The following CD80 variants were observed in gnomAD, a reference collection of about 807,000 sequenced individuals.
CD80 encodes the protein CD80 molecule.
Under a neutral mutation model 27.1 loss-of-function variants are expected in CD80, and 13 were observed. The observed-to-expected ratio is 0.48, with a 90% CI of 0.31 to 0.76. CD80 has a LOEUF of 0.76. Ranked by LOEUF, CD80 falls within the 30% of genes least tolerant of loss-of-function variation. The pLI is 0.04. For missense variants in CD80, 277 were observed against 347.9 expected, an observed-to-expected ratio of 0.80 and a Z score of 1.62; for synonymous variants, 125 against 125.5, an observed-to-expected ratio of 1.00 and a Z score of 0.03.
chr3:119,537,026 G>A (rs1485534350), intron 4 of CD80, 111 bp downstream of exon 4: 2 of 966,384 alleles, frequency 2.1e-6, no homozygotes, highest in Non-Finnish European at 3.2e-6. Flanking sequence ...GACAATGACA[G>A]AATTGCCTAA....
intron 2 of CD80, among the ~76,000 whole-genome samples, chr3:119,551,469 T>C (rs980407813): frequency 6.6e-6 from 1 of 152,150 alleles, no homozygotes; most frequent in South Asian, 2.1e-4. Context: ...GGCTTCCTTA[T>C]AAAGGATGGT....
chr3:119,536,988 G>T, intron 4 of CD80, 149 bp downstream of exon 4: 1 of 780,858 alleles, frequency 1.3e-6, no homozygotes. Context: ...GTACCATCTA[G>T]GTTTATGTAA....
At chr3:119,537,848 C>T (rs1231262533) in intron 3 of CD80, among the ~76,000 whole-genome samples, 1 of 152,150 alleles carries the variant, frequency 6.6e-6, no homozygotes, top group Non-Finnish European at 1.5e-5. Context: ...ATATAATTTG[C>T]AACTTCCCAT....
intron 4 of CD80, among the ~76,000 whole-genome samples, chr3:119,530,856 TAAAAG>T (rs1175620836): frequency 1.3e-5 from 2 of 152,236 alleles, no homozygotes; most frequent in Non-Finnish European, 2.9e-5. Context: ...ATTTAAAACA[TAAAAG>T]AAATGTTCCC....
intron 4 of CD80, among the ~76,000 whole-genome samples, chr3:119,533,765 C>G (rs925002213): frequency 6.6e-6 from 1 of 152,126 alleles, no homozygotes; most frequent in Admixed American, 6.5e-5. Context: ...GTAAGTTGCC[C>G]AGTCTCGGGT....
chr3:119,539,556 C>A (rs2082156516), intron 3 of CD80, among the ~76,000 whole-genome samples: 1 of 152,002 alleles, frequency 6.6e-6, no homozygotes, highest in African/African-American at 2.4e-5. Context: ...GAAGGCCTTC[C>A]TAGCATTCCT....
chr3:119,529,984 C>A, intron 4 of CD80, 47 bp from the exon 5 acceptor site: 1 of 1,320,042 alleles, frequency 7.6e-7, no homozygotes, highest in Non-Finnish European at 1.1e-6. Flanking sequence ...TTTCCTACTG[C>A]CTGATACTCA....
chr3:119,551,686 A>G (rs1433360999), intron 2 of CD80, among the ~76,000 whole-genome samples: 1 of 152,230 alleles, frequency 6.6e-6, no homozygotes, highest in Non-Finnish European at 1.5e-5. Context: ...CCAGACCGAG[A>G]TAACTATCTT....
intron 3 of CD80, 81 bp downstream of exon 3, chr3:119,544,469 T>C: frequency 7.9e-7 from 1 of 1,259,038 alleles, no homozygotes; most frequent in Non-Finnish European, 1.1e-6. Flanking sequence ...TGGTAAAATT[T>C]TCACCTAAAT....
intron 3 of CD80, 37 bp from the exon 4 acceptor site, chr3:119,537,455 T>A: frequency 7.2e-7 from 1 of 1,380,884 alleles, no homozygotes; most frequent in Non-Finnish European, 1.0e-6. Flanking sequence ...TACGTATAGT[T>A]ACAAACCTAT....
chr3:119,551,836 T>C (rs866481996), intron 2 of CD80, among the ~76,000 whole-genome samples: 5 of 152,220 alleles, frequency 3.3e-5, no homozygotes, highest in Non-Finnish European at 7.3e-5. Context: ...CACACCCCCA[T>C]AGGACCAGCA....
chr3:119,525,087 G>A lies in CD80; in HGVS notation c.*701C>T, dbSNP rs1599796. Reference sequence around the variant, plus strand: ...CTGCTTTGACGTACCTAAATCATTCGTCTTACATGTCAGAGGAAATTAGTT... The same window carrying A: ...CTGCTTTGACGTACCTAAATCATTCATCTTACATGTCAGAGGAAATTAGTT... On this transcript the variant is annotated 3_prime_UTR_variant, in exon 7 of 7. Coordinates refer to ENST00000264246, the MANE Select transcript of CD80 (RefSeq NM_005191.4). 23,449 of 152,048 alleles carry A rather than the reference G, an allele frequency of 0.15. 2,344 individuals are homozygous for A. Among genetic ancestry groups the A allele is most frequent in the East Asian group, 0.28 (1,432 of 5,172 alleles). The allele number at this position is 152,048 out of a possible 1,614,324, so 9.4% of individuals were successfully genotyped here.
chr3:119,552,406 G>A (rs531878249), intron 2 of CD80, among the ~76,000 whole-genome samples: 50 of 151,870 alleles, frequency 3.3e-4, no homozygotes, highest in African/African-American at 1.2e-3. Context: ...CCAGCTACTC[G>A]GGAGGCTGAG....
At chr3:119,530,060 G>A (rs2082101523) in intron 4 of CD80, 123 bp from the exon 5 acceptor site, 2 of 628,094 alleles carry the variant, frequency 3.2e-6, no homozygotes, top group African/African-American at 1.9e-5. Context: ...CCAGTATGCA[G>A]CTGCTAGCAT....
intron 3 of CD80, among the ~76,000 whole-genome samples, chr3:119,539,147 T>C (rs2082154703): frequency 6.6e-6 from 1 of 152,232 alleles, no homozygotes; most frequent in Non-Finnish European, 1.5e-5. Flanking sequence ...TTTATTTGAA[T>C]TCATTTGAAT....
At chr3:119,546,280 G>A (rs941042756) in intron 2 of CD80, among the ~76,000 whole-genome samples, 2 of 152,186 alleles carry the variant, frequency 1.3e-5, no homozygotes, top group African/African-American at 4.8e-5. Flanking sequence ...AGGAGGGCAA[G>A]GTGCTGTTGC....
In CD80 at chr3:119,557,904, A is replaced by G; in HGVS notation, c.-176T>C. On this transcript the variant is annotated 5_prime_UTR_variant, in exon 2 of 7. Coordinates refer to ENST00000264246, the MANE Select transcript of CD80 (RefSeq NM_005191.4). ...ATTGGAGGGTGTTCCTGGGTCTCCA[A>G]AGGTTGTGGATTTAGTTTCACAGCC... 4 of 419,180 alleles carry G rather than the reference A, an allele frequency of 9.5e-6. No individual in the cohort carries two copies. 26.0% of individuals were successfully genotyped at this position (419,180 alleles called of 1,614,324 possible).
At chr3:119,556,754 A>G (rs1194056084) in intron 2 of CD80, among the ~76,000 whole-genome samples, 1 of 152,174 alleles carries the variant, frequency 6.6e-6, no homozygotes, top group East Asian at 1.9e-4. Context: ...GTCTTTGCAG[A>G]CTGGCAAATC....
chr3:119,552,267 T>A (rs1202543295), intron 2 of CD80, among the ~76,000 whole-genome samples: 1 of 151,386 alleles, frequency 6.6e-6, no homozygotes, highest in Non-Finnish European at 1.5e-5. Context: ...GGCAGGCGGA[T>A]CAGGAGCTCG....
Sources: gnomAD v4.1 joint callset for allele counts (sites outside exome capture counted in the v4.1 genomes callset) on GRCh38, gnomAD v4.1.1 for gene constraint, MANE v1.5 for transcripts, NCBI Gene and HGNC (gene_info 2026-07-23, HGNC 2026-07-21) for gene names.